Variants in NBEA observed in about 807,000 individuals in gnomAD.
The protein encoded by NBEA is neurobeachin, also known as lysosomal-trafficking regulator 2.
Under a neutral mutation model 343.4 loss-of-function variants are expected in NBEA, and 44 were observed. The ratio of observed to expected loss-of-function variants is 0.13; its 90% CI spans 0.10 to 0.16. NBEA has a LOEUF of 0.16. Ranked by LOEUF, NBEA falls within the 10% of genes least tolerant of loss-of-function variation. NBEA has a pLI of 1.00. For missense variants in NBEA, 2,555 were observed against 3,631.3 expected, an observed-to-expected ratio of 0.70 and a Z score of 7.62; for synonymous variants, 1,175 against 1,238.7, an observed-to-expected ratio of 0.95 and a Z score of 1.08.
At chr13:34,973,703 C>A (rs894412926) in intron 1 of NBEA, among the ~76,000 whole-genome samples, 1 of 152,124 alleles carries the variant, frequency 6.6e-6, no homozygotes, top group East Asian at 1.9e-4. Flanking sequence ...AACTCTGTCC[C>A]AGGTAGGGGT....
intron 28 of NBEA, among the ~76,000 whole-genome samples, chr13:35,178,945 C>A (rs2071114281): frequency 6.6e-6 from 1 of 151,392 alleles, no homozygotes; most frequent in African/African-American, 2.4e-5. Flanking sequence ...ATCTTCATCT[C>A]CAAAGGCACA....
intron 17 of NBEA, among the ~76,000 whole-genome samples, chr13:35,125,779 A>T (rs1309924321): frequency 6.6e-6 from 1 of 152,214 alleles, no homozygotes; most frequent in Non-Finnish European, 1.5e-5. Context: ...TATGGAATAC[A>T]TAGCATTTTG....
At chr13:35,292,143 C>T (rs2035839547) in intron 35 of NBEA, among the ~76,000 whole-genome samples, 1 of 151,718 alleles carries the variant, frequency 6.6e-6, no homozygotes, top group African/African-American at 2.4e-5. Flanking sequence ...TATTCTTATT[C>T]AGGGGGGATA....
At chr13:35,244,897 C>T (rs992783001) in intron 34 of NBEA, among the ~76,000 whole-genome samples, 12 of 152,096 alleles carry the variant, frequency 7.9e-5, no homozygotes, top group African/African-American at 2.4e-4. Context: ...ATTAGATTCT[C>T]GGCCTGGTCA....
chr13:35,519,032 CAT>C (rs758391480), intron 41 of NBEA, among the ~76,000 whole-genome samples: 9 of 152,214 alleles, frequency 5.9e-5, no homozygotes, highest in Non-Finnish European at 1.2e-4. Flanking sequence ...AGCAAGCAAA[CAT>C]CAACAGATTG....
intron 1 of NBEA, among the ~76,000 whole-genome samples, chr13:34,995,864 A>C (rs1018209865): frequency 6.6e-6 from 1 of 152,244 alleles, no homozygotes; most frequent in Non-Finnish European, 1.5e-5. Context: ...GTTTAGTCCC[A>C]GAATATCTGA....
At chr13:35,307,971 G>T (rs937060496) in intron 35 of NBEA, among the ~76,000 whole-genome samples, 1 of 151,978 alleles carries the variant, frequency 6.6e-6, no homozygotes, top group Non-Finnish European at 1.5e-5. Flanking sequence ...TAAAGATTAT[G>T]ATAGCTAGAA....
chr13:35,213,416 G>A (rs552406117), intron 33 of NBEA, among the ~76,000 whole-genome samples: 35 of 151,184 alleles, frequency 2.3e-4, no homozygotes, highest in Non-Finnish European at 3.6e-4. Context: ...AAGAAAGTCT[G>A]AGGTATTCTT....
At chr13:34,986,111 T>G (rs1045975537) in intron 1 of NBEA, among the ~76,000 whole-genome samples, 1 of 150,910 alleles carries the variant, frequency 6.6e-6, no homozygotes, top group Admixed American at 6.6e-5. Flanking sequence ...TCTCTAGTTC[T>G]TTTAATTGTG....
intron 33 of NBEA, among the ~76,000 whole-genome samples, chr13:35,224,776 T>C (rs1333184205): frequency 6.6e-6 from 1 of 152,148 alleles, no homozygotes; most frequent in Non-Finnish European, 1.5e-5. Flanking sequence ...CTGGCTTTTT[T>C]TGTTTGTTTG....
intron 38 of NBEA, among the ~76,000 whole-genome samples, chr13:35,399,159 G>T (rs2042881995): frequency 6.6e-6 from 1 of 152,080 alleles, no homozygotes; most frequent in Admixed American, 6.6e-5. Context: ...AAGAGATAGG[G>T]CTTTGCTCTG....
At chr13:35,522,310 A>C (rs2077755968) in intron 41 of NBEA, among the ~76,000 whole-genome samples, 1 of 151,816 alleles carries the variant, frequency 6.6e-6, no homozygotes, top group East Asian at 2.0e-4. Flanking sequence ...TCTACTAAAA[A>C]TACAAAAATT....
At chr13:34,961,245 G>C (rs936881174) in intron 1 of NBEA, among the ~76,000 whole-genome samples, 1 of 152,084 alleles carries the variant, frequency 6.6e-6, no homozygotes, top group Non-Finnish European at 1.5e-5. Flanking sequence ...AGTTGTTAAA[G>C]AGGGACTCTA....
intron 45 of NBEA, among the ~76,000 whole-genome samples, chr13:35,581,759 G>C (rs1232138616): frequency 1.4e-5 from 2 of 147,480 alleles, no homozygotes; most frequent in African/African-American, 5.0e-5. Flanking sequence ...GGGAGGGATA[G>C]CATCGGGAGA....
At chr13:35,473,617 T>C (rs925107847) in intron 41 of NBEA, among the ~76,000 whole-genome samples, 6 of 152,348 alleles carry the variant, frequency 3.9e-5, no homozygotes, top group Non-Finnish European at 5.9e-5. Context: ...GCTGCAAATG[T>C]AGTTTTTAAA....
intron 46 of NBEA, among the ~76,000 whole-genome samples, chr13:35,591,584 C>A (rs1205299777): frequency 6.6e-6 from 1 of 152,028 alleles, no homozygotes; most frequent in Non-Finnish European, 1.5e-5. Context: ...TTATCTCTTT[C>A]ATCACCCTTT....
At chr13:35,505,398 G>A (rs1043425358) in intron 41 of NBEA, among the ~76,000 whole-genome samples, 3 of 152,174 alleles carry the variant, frequency 2.0e-5, no homozygotes, top group Non-Finnish European at 2.9e-5. Flanking sequence ...GACCTATTCC[G>A]GAGTATGAGA....
At chr13:35,478,914 A>G (rs2076002679) in intron 41 of NBEA, among the ~76,000 whole-genome samples, 1 of 152,248 alleles carries the variant, frequency 6.6e-6, no homozygotes, top group Non-Finnish European at 1.5e-5. Context: ...TCCAACGGGA[A>G]GGACGCGGGC....
At chr13:35,403,421 C>CA (rs2043093374) in intron 38 of NBEA, among the ~76,000 whole-genome samples, 1 of 151,288 alleles carries the variant, frequency 6.6e-6, no homozygotes, top group African/African-American at 2.4e-5. Flanking sequence ...AGTTGAGATC[C>CA]AAAAAAAGAA....
Sources: gnomAD v4.1 joint callset for allele counts (sites outside exome capture counted in the v4.1 genomes callset) on GRCh38, gnomAD v4.1.1 for gene constraint, MANE v1.5 for transcripts, NCBI Gene and HGNC (gene_info 2026-07-23, HGNC 2026-07-21) for gene names.